TAF6L: variants seen among roughly 807,000 people sequenced by gnomAD.
The protein encoded by TAF6L is TATA-box binding protein associated factor 6 like, also known as TAF6-like RNA polymerase II p300/CBP-associated factor-associated factor 65 kDa subunit 6L.
Under a neutral mutation model 57.3 loss-of-function variants are expected in TAF6L, and 34 were observed. The observed-to-expected ratio is 0.59, with a 90% CI of 0.45 to 0.79. The LOEUF (loss-of-function observed/expected upper bound fraction) is 0.79, where lower values mean the gene tolerates loss of function less well. Ranked by LOEUF, TAF6L falls within the 30% of genes least tolerant of loss-of-function variation. The pLI, the probability that TAF6L is intolerant of heterozygous loss-of-function variation, is 0.00. For missense variants in TAF6L, 782 were observed against 853.2 expected (o/e 0.92, Z 1.04); for synonymous variants, 417 against 376.3 (o/e 1.11, Z -1.25).
In TAF6L at chr11:62,778,855, C is replaced by G. The variant is rs2084206213; in HGVS notation, c.437-14C>G. ...CTCTCCACCTGTCCCTGCTTCCTGC[C>G]TGTCCTCTGGCAGTGCCCAGTGCTG... On this transcript the variant is annotated splice_polypyrimidine_tract_variant and intron_variant, in intron 5 of 10. Transcript: ENST00000294168. 6.2e-7 allele frequency: 1 copy of G among 1,612,524 alleles called. No individual in the cohort carries two copies. The highest frequency in any genetic ancestry group is 1.1e-5 in the South Asian group (1 of 91,056).
rs369018383 is a variant in TAF6L, at chr11:62,787,317, T to C, written c.*21T>C. 124 of 1,526,642 alleles carry C rather than the reference T, an allele frequency of 8.1e-5. No individual in the cohort carries two copies. The African/African-American group carries it at 1.4e-3, about 17-fold the overall frequency. The allele number at this position is 1,526,642 out of a possible 1,614,324, so 94.6% of individuals were successfully genotyped here. ...TCTGAGTCAGTGGCCCCTTCGTTCCTTGTAAATAAATCCCGCCCCCGGAAA... is the reference window on the plus strand; with the variant it reads ...TCTGAGTCAGTGGCCCCTTCGTTCCCTGTAAATAAATCCCGCCCCCGGAAA... On this transcript the variant is annotated 3_prime_UTR_variant, in exon 11 of 11. Coordinates refer to ENST00000294168, the MANE Select transcript of TAF6L (RefSeq NM_006473.4).
At chr11:62,778,187 T>A (rs1037859005) in intron 4 of TAF6L, 59 bp downstream of exon 4, 48 of 1,613,292 alleles carry the variant, frequency 3.0e-5, no homozygotes, top group African/African-American at 9.4e-5. Flanking sequence ...AGAGAAGTGG[T>A]GATGGGCTGG....
At chr11:62,785,488 GGCTGGTATTTTCCTTATAGGCCCA>G (rs1167025595) in intron 9 of TAF6L, among the ~76,000 whole-genome samples, 9 of 151,250 alleles carry the variant, frequency 6.0e-5, no homozygotes, top group East Asian at 1.9e-4. Context: ...CACAGCGCCC[GGCTGGTATTTTCCTTATAGGCCCA>G]GCTGGTATTT....
At chr11:62,781,717 A>G (rs1400698283) in intron 6 of TAF6L, 177 bp from the exon 7 acceptor site, 4 of 601,270 alleles carry the variant, frequency 6.7e-6, no homozygotes, top group Non-Finnish European at 1.2e-5. Context: ...ATATGCAGGT[A>G]TATGTGAATG....
At chr11:62,772,523 CAAAA>C (rs556866279) in intron 1 of TAF6L, among the ~76,000 whole-genome samples, 1 of 74,022 alleles carries the variant, frequency 1.4e-5, no homozygotes. Flanking sequence ...ACTGTGTCTC[CAAAA>C]AAAAAAAAAA....
At chr11:62,783,165 A>G (rs1397923711) in intron 9 of TAF6L, among the ~76,000 whole-genome samples, 1 of 152,250 alleles carries the variant, frequency 6.6e-6, no homozygotes, top group African/African-American at 2.4e-5. Flanking sequence ...TGTAGAAATT[A>G]TCAAATGATT....
Position 62,787,282 on chromosome 11 carries a change from T to C in TAF6L, c.1855T>C (p.Tyr619His), listed in dbSNP as rs748139350. The change falls in exon 11 of 11, where the codon TAC (tyrosine) becomes CAC (histidine). Residue 619 changes from tyrosine to histidine, a missense_variant. Transcript: ENST00000294168. ...GTGGGCGCTCTCGGACTACTCGCTG[T>C]ACTTGCCGCTCTGAGTCAGTGGCCC... ...RRWALSDYSL[Y>H]LPL The C allele has an allele frequency of 1.3e-6, 2 of 1,547,142 alleles. No individual in the cohort carries two copies. The highest frequency in any genetic ancestry group is 1.7e-6 in the Non-Finnish European group (2 of 1,154,084).
At chr11:62,778,650 GC>G in intron 5 of TAF6L, 1 of 612,164 alleles carries the variant, frequency 1.6e-6, no homozygotes, top group Non-Finnish European at 2.9e-6. Context: ...AGTCCGTCTG[GC>G]AGAGGGTGGG....
chr11:62,782,964 G>C, intron 9 of TAF6L, 139 bp downstream of exon 9: 1 of 1,283,784 alleles, frequency 7.8e-7, no homozygotes, highest in Non-Finnish European at 1.1e-6. Context: ...GCCAGGCTCA[G>C]TGATACTTGA....
At chr11:62,779,952 C>CTATATATATATA (rs1225374367) in intron 6 of TAF6L, among the ~76,000 whole-genome samples, 2 of 100,064 alleles carry the variant, frequency 2.0e-5, no homozygotes, top group African/African-American at 8.9e-5. Flanking sequence ...AGGCGTGAGC[C>CTATATATATATA]TATATATATA....
intron 9 of TAF6L, among the ~76,000 whole-genome samples, chr11:62,785,389 C>T (rs1228873065): frequency 6.6e-6 from 1 of 151,122 alleles, no homozygotes; most frequent in Admixed American, 6.6e-5. Flanking sequence ...GACGGGGTTT[C>T]ACTGTGCTGG....
chr11:62,774,644 C>A, intron 1 of TAF6L: 1 of 455,100 alleles, frequency 2.2e-6, no homozygotes, highest in South Asian at 1.6e-5. Flanking sequence ...CTGTTTTTGT[C>A]GGTTTCTTAT....
At chr11:62,774,313 T>G (rs552775219) in intron 1 of TAF6L, among the ~76,000 whole-genome samples, 2 of 152,262 alleles carry the variant, frequency 1.3e-5, no homozygotes, top group South Asian at 4.1e-4. Flanking sequence ...CCTGACCTTG[T>G]GATCCGCCTG....
Position 62,786,612 on chromosome 11 carries a change from G to T in TAF6L, c.1185G>T (p.Leu395=). Residue 395 remains leucine (L), a synonymous_variant, in exon 11 of 11, where the codon CTG becomes CTT. Transcript: ENST00000294168. ...GGGGGTGCCGGCGCCTGGACGACCT[G>T]CCATGGGACAGCCTTCTCTTTCAAG... The part of the protein sequence containing the change: ...GGRGCRRLDD[L]PWDSLLFQES... The T allele has an allele frequency of 6.3e-7, 1 of 1,594,334 alleles. No homozygotes were observed.
chr11:62,786,935 G>C lies in TAF6L; in HGVS notation c.1508G>C (p.Arg503Pro). ...AGCCCGCACGGCGACGAGAGCCCCC[G>C]GGGCAGCGGCGGAGGCGGCCCCGCG... Reference protein sequence around the residue: ...IVSPHGDESPRGSGGGGPASA... With the variant: ...IVSPHGDESPPGSGGGGPASA... The change falls in exon 11 of 11, where the codon CGG becomes CCG. Residue 503 changes from arginine (R) to proline (P), a missense_variant. Transcript: ENST00000294168. The C allele has an allele frequency of 6.8e-7, 1 of 1,469,858 alleles. No homozygotes were observed. The highest frequency in any genetic ancestry group is 2.5e-5 in the Admixed American group (1 of 40,122). 91.1% of individuals were successfully genotyped at this position (1,469,858 alleles called of 1,614,324 possible). A position where few individuals can be genotyped will look rare whatever the true frequency, so the allele number is the denominator to read the frequency against.
intron 6 of TAF6L, among the ~76,000 whole-genome samples, chr11:62,780,900 G>A (rs2084224134): frequency 7.0e-6 from 1 of 143,264 alleles, no homozygotes; most frequent in African/African-American, 2.6e-5. Flanking sequence ...TCGCGCCACC[G>A]CACTCCAGCC....
intron 3 of TAF6L, among the ~76,000 whole-genome samples, chr11:62,776,850 GAAAA>G (rs71056563): frequency 2.9e-5 from 2 of 68,142 alleles, no homozygotes; most frequent in Admixed American, 1.7e-4. Context: ...CTCAAAAAAA[GAAAA>G]AAAAAAAAAA....
Position 62,786,564 on chromosome 11 carries a change from C to T in TAF6L, c.1137C>T (p.Pro379=). The T allele has an allele frequency of 6.4e-7, 1 of 1,567,858 alleles. No homozygotes were observed. Among genetic ancestry groups the T allele is most frequent in the Non-Finnish European group, 8.6e-7 (1 of 1,157,634 alleles). The change falls in exon 11 of 11, where the codon CCC becomes CCT. Residue 379 remains proline (P), a synonymous_variant. Transcript: ENST00000294168. ...AGATGAAGGCCCAGGCAGCAGAGCC[C>T]AACAGGGGTGGCCCAGGTGGCAGGG... The part of the protein sequence containing the change: ...LLKMKAQAAE[P]NRGGPGGRGC...
intron 6 of TAF6L, among the ~76,000 whole-genome samples, chr11:62,780,936 CAAAAA>C (rs1302371766): frequency 3.8e-5 from 2 of 52,298 alleles, no homozygotes; most frequent in Non-Finnish European, 3.8e-5. Flanking sequence ...GACTCCATCT[CAAAAA>C]AAAAAAAAAA....
Sources: allele counts gnomAD v4.1 joint callset (sites outside exome capture counted in the v4.1 genomes callset), GRCh38; gene constraint gnomAD v4.1.1; transcripts MANE v1.5; gene names NCBI Gene and HGNC (gene_info 2026-07-23, HGNC 2026-07-21).